Variants in LHFPL3 observed in about 807,000 individuals in gnomAD.
LHFPL3 encodes the protein LHFPL tetraspan subfamily member 3.
Under a neutral mutation model 19.3 loss-of-function variants are expected in LHFPL3, and 5 were observed. The observed-to-expected ratio is 0.26, with a 90% CI of 0.14 to 0.54. The LOEUF is 0.54. Among genes scored for constraint, LHFPL3 ranks in the 20% least tolerant of loss-of-function variants. The pLI is 0.94. For missense variants in LHFPL3, 249 were observed against 307.4 expected (o/e 0.81, Z 1.42); for synonymous variants, 133 against 126.2 (o/e 1.05, Z -0.36).
At chr7:104,882,060 T>C (rs550874746) in intron 2 of LHFPL3, among the ~76,000 whole-genome samples, 5 of 152,344 alleles carry the variant, frequency 3.3e-5, no homozygotes, top group East Asian at 1.9e-4. Flanking sequence ...ATTCACTTTA[T>C]TGCAGTGGTC....
chr7:104,521,151 T>C (rs1336798004), intron 1 of LHFPL3, among the ~76,000 whole-genome samples: 3 of 152,184 alleles, frequency 2.0e-5, no homozygotes, highest in Non-Finnish European at 4.4e-5. Context: ...TGTTGTGTCT[T>C]TGTTCTCGTT....
chr7:104,426,524 G>A (rs2116545881), intron 1 of LHFPL3, among the ~76,000 whole-genome samples: 1 of 152,044 alleles, frequency 6.6e-6, no homozygotes, highest in East Asian at 1.9e-4. Context: ...CCAAAGTGCT[G>A]GGATTACAGG....
At chr7:104,704,137 T>C (rs910784648) in intron 1 of LHFPL3, among the ~76,000 whole-genome samples, 3 of 152,206 alleles carry the variant, frequency 2.0e-5, no homozygotes, top group Non-Finnish European at 4.4e-5. Context: ...ATGATATTAA[T>C]ATCATCTTGT....
At chr7:104,362,628 A>G (rs1790407183) in intron 1 of LHFPL3, among the ~76,000 whole-genome samples, 1 of 152,188 alleles carries the variant, frequency 6.6e-6, no homozygotes, top group African/African-American at 2.4e-5. Context: ...CACTGCCCAG[A>G]TAGAGCCAAT....
chr7:104,579,600 G>T (rs1167546629), intron 1 of LHFPL3, among the ~76,000 whole-genome samples: 1 of 152,094 alleles, frequency 6.6e-6, no homozygotes, highest in Non-Finnish European at 1.5e-5. Flanking sequence ...CAGATAAATT[G>T]GCCAATCAGT....
intron 1 of LHFPL3, among the ~76,000 whole-genome samples, chr7:104,718,126 G>A (rs1429870798): frequency 6.6e-6 from 1 of 152,160 alleles, no homozygotes; most frequent in East Asian, 1.9e-4. Flanking sequence ...TGGAATAGTG[G>A]CTGCTAGGGG....
At chr7:104,680,925 C>T (rs4566971) in intron 1 of LHFPL3, among the ~76,000 whole-genome samples, 54,117 of 151,918 alleles carry the variant, frequency 0.36, 9,856 homozygotes, top group South Asian at 0.56. Flanking sequence ...ATTAAACAAC[C>T]GAGCTACTGA....
At chr7:104,664,870 T>A (rs1366214199) in intron 1 of LHFPL3, among the ~76,000 whole-genome samples, 1 of 152,188 alleles carries the variant, frequency 6.6e-6, no homozygotes, top group Non-Finnish European at 1.5e-5. Context: ...CTAGATGCAG[T>A]GGTACCTGGG....
intron 2 of LHFPL3, among the ~76,000 whole-genome samples, chr7:104,766,445 T>G (rs1306721896): frequency 2.0e-5 from 3 of 152,200 alleles, no homozygotes. Context: ...CCTTGTACAT[T>G]TTCTAATGAT....
At chr7:104,891,665 G>A (rs1469279023) in intron 2 of LHFPL3, among the ~76,000 whole-genome samples, 1 of 152,230 alleles carries the variant, frequency 6.6e-6, no homozygotes, top group Admixed American at 6.5e-5. Flanking sequence ...CCTGGGCAGA[G>A]GTTGGGAAGC....
intron 1 of LHFPL3, among the ~76,000 whole-genome samples, chr7:104,365,184 A>C (rs2116417439): frequency 6.6e-6 from 1 of 152,292 alleles, no homozygotes; most frequent in East Asian, 1.9e-4. Flanking sequence ...ATGTAATCCC[A>C]GCTATTCTAG....
rs142855666 is a variant in LHFPL3, at chr7:104,806,146, CAG to C, written c.682+69239_682+69240del. Among the ~76,000 whole-genome samples, 1,290 of 152,278 alleles carry C rather than the reference CAG, an allele frequency of 8.5e-3. 14 individuals are homozygous for C. The highest frequency in any genetic ancestry group is 0.029 in the African/African-American group (1,217 of 41,538). The stretch of plus-strand genomic sequence containing the variant: ...GCTGTGGCTCATACAAGTTTTCAGA[CAG>C]AGAACAAGATTGGAGGGAAGCTCAC... On this transcript the variant is annotated intron_variant, in intron 2 of 2. Transcript: ENST00000424859.
At chr7:104,495,378 A>T (rs953355971) in intron 1 of LHFPL3, among the ~76,000 whole-genome samples, 7 of 49,324 alleles carry the variant, frequency 1.4e-4, no homozygotes, top group Non-Finnish European at 2.4e-4. Flanking sequence ...TGGCTATTTA[A>T]AAAAAAAATT....
intron 1 of LHFPL3, among the ~76,000 whole-genome samples, chr7:104,624,542 A>G (rs759877926): frequency 5.3e-5 from 8 of 152,218 alleles, no homozygotes; most frequent in Non-Finnish European, 1.0e-4. Context: ...CAGAAGGACA[A>G]GGTCAGTGAG....
At chr7:104,873,504 G>A (rs933803666) in intron 2 of LHFPL3, among the ~76,000 whole-genome samples, 11 of 151,954 alleles carry the variant, frequency 7.2e-5, no homozygotes, top group East Asian at 5.8e-4. Context: ...GCACTACACC[G>A]GTTATCCTAG....
intron 1 of LHFPL3, among the ~76,000 whole-genome samples, chr7:104,431,215 T>C (rs1257261918): frequency 6.6e-6 from 1 of 152,196 alleles, no homozygotes; most frequent in Non-Finnish European, 1.5e-5. Context: ...CCTACTGCTT[T>C]TGTAAATTGA....
Position 104,554,473 on chromosome 7 carries a change from T to C in LHFPL3, c.446-182202T>C, listed in dbSNP as rs145320420. On this transcript the variant is annotated intron_variant, in intron 1 of 2. Transcript: ENST00000424859. ...TATTATATAAACAAATATGAATAAA[T>C]GTGAATTAATAAATTAGCTCGTGTT... Among the ~76,000 whole-genome samples, 4 of 152,240 alleles carry C rather than the reference T, an allele frequency of 2.6e-5. No individual in the cohort carries two copies. In the East Asian group the frequency reaches 7.7e-4, roughly 29 times the overall value.
At chr7:104,741,461 C>CAAA (rs5886331) in intron 2 of LHFPL3, among the ~76,000 whole-genome samples, 5 of 92,902 alleles carry the variant, frequency 5.4e-5, no homozygotes, top group African/African-American at 7.9e-5. Context: ...TTCTTTATGC[C>CAAA]AAAAAAAAAA....
chr7:104,588,044 A>G (rs2115610894), intron 1 of LHFPL3, among the ~76,000 whole-genome samples: 1 of 152,098 alleles, frequency 6.6e-6, no homozygotes, highest in South Asian at 2.1e-4. Flanking sequence ...AGATTGTAAA[A>G]ATTTTCTCCC....
Sources: gnomAD v4.1 joint callset for allele counts (sites outside exome capture counted in the v4.1 genomes callset) on GRCh38, gnomAD v4.1.1 for gene constraint, MANE v1.5 for transcripts, NCBI Gene and HGNC (gene_info 2026-07-23, HGNC 2026-07-21) for gene names.